The following DYNC2I1 variants were observed in gnomAD, a reference collection of about 807,000 sequenced individuals.
The protein encoded by DYNC2I1 is cytoplasmic dynein 2 intermediate chain 1.
In DYNC2I1, 89 loss-of-function variants were observed where a neutral mutation model predicts 133.4. The observed-to-expected ratio is 0.67, with a 90% confidence interval of 0.56 to 0.80. The LOEUF (loss-of-function observed/expected upper bound fraction) is 0.80, where lower values mean the gene tolerates loss of function less well. Among genes scored for constraint, DYNC2I1 ranks in the 30% least tolerant of loss-of-function variants. The probability of loss-of-function intolerance (pLI) is 0.00; values close to 1 mark genes in which losing one functional copy is unlikely to be tolerated. For missense variants in DYNC2I1, 1,291 were observed against 1,314.5 expected, an observed-to-expected ratio of 0.98 and a Z score of 0.28; for synonymous variants, 504 against 484.3, an observed-to-expected ratio of 1.04 and a Z score of -0.54.
intron 19 of DYNC2I1, among the ~76,000 whole-genome samples, 177 bp downstream of exon 19, chr7:158,926,640 G>A (rs1256158659): frequency 6.6e-6 from 1 of 152,230 alleles, no homozygotes; most frequent in Non-Finnish European, 1.5e-5. Flanking sequence ...TGGCAGGTTT[G>A]GGGCCCTTTC....
rs540943176 is a variant in DYNC2I1 at position 158,864,448 on chromosome 7, A to G, written c.16-5407A>G. On this transcript the variant is annotated intron_variant, in intron 1 of 24. Coordinates refer to ENST00000407559, the MANE Select transcript of DYNC2I1 (RefSeq NM_018051.5). ...ATGGATTTATGGCAGTGTCCCTGGA[A>G]GGAAGAGTGGATTTAGAAACATGTT... 3.7e-4 allele frequency among the ~76,000 whole-genome samples: 56 copies of G among 152,230 alleles called. 1 individual carries two copies. Among genetic ancestry groups the G allele is most frequent in the Non-Finnish European group, 7.6e-4 (52 of 68,010 alleles).
intron 23 of DYNC2I1, 137 bp from the exon 24 acceptor site, chr7:158,941,788 G>A: frequency 1.1e-6 from 1 of 914,610 alleles, no homozygotes; most frequent in East Asian, 2.6e-5. Context: ...CGAGGCAGGA[G>A]GATTGATTGA....
downstream of DYNC2I1, among the ~76,000 whole-genome samples, chr7:158,957,474 G>A (rs796821552): frequency 2.6e-5 from 4 of 152,362 alleles, no homozygotes; most frequent in African/African-American, 9.6e-5. Flanking sequence ...CTACCAGGTA[G>A]CTCCTGAACA....
chr7:158,854,413 A>C (rs899364334), upstream of DYNC2I1, among the ~76,000 whole-genome samples: 3 of 148,834 alleles, frequency 2.0e-5, no homozygotes, highest in East Asian at 6.1e-4. Flanking sequence ...AGAAAACCAA[A>C]CACCGCATGT....
In DYNC2I1 at chr7:158,884,599, AAG is replaced by A; in HGVS notation, c.919_920del (p.Asp307TrpfsTer8). On this transcript the variant is annotated frameshift_variant, in exon 6 of 25. Transcript: ENST00000407559. LOFTEE classifies it high-confidence loss of function. The stretch of plus-strand genomic sequence containing the variant: ...ACAGAAATCGAGGTGCAAGCTCAAA[AAG>A]AGATGGGACCAGCAGCCAGTAAGGA... ...EHRNRGASSK[R>X]DGTSSQHAEN... The A allele has an allele frequency of 6.2e-7, 1 of 1,613,354 alleles. No homozygotes were observed. Among genetic ancestry groups the A allele is most frequent in the Non-Finnish European group, 8.5e-7 (1 of 1,179,624 alleles).
chr7:158,898,872 T>G (rs1442958971), intron 8 of DYNC2I1, among the ~76,000 whole-genome samples: 1 of 136,392 alleles, frequency 7.3e-6, no homozygotes, highest in East Asian at 1.9e-4. Flanking sequence ...TAAAGGTTGT[T>G]TTTTTTTTTT....
intron 6 of DYNC2I1, among the ~76,000 whole-genome samples, chr7:158,885,345 C>G (rs1563111490): frequency 7.0e-6 from 1 of 141,906 alleles, no homozygotes; most frequent in Non-Finnish European, 1.5e-5. Context: ...TGTATAAACT[C>G]TTTTTTTTTT....
chr7:158,939,177 C>T (rs1851079786), intron 23 of DYNC2I1, among the ~76,000 whole-genome samples: 1 of 151,970 alleles, frequency 6.6e-6, no homozygotes, highest in Non-Finnish European at 1.5e-5. Flanking sequence ...TGCCTATAAT[C>T]CCAGCACTTT....
intron 17 of DYNC2I1, among the ~76,000 whole-genome samples, chr7:158,924,420 C>G (rs2129486776): frequency 6.6e-6 from 1 of 152,330 alleles, no homozygotes; most frequent in South Asian, 2.1e-4. Context: ...TCACTCACCC[C>G]TCTGTGTGGC....
Position 158,902,464 on chromosome 7 carries a change from C to G in DYNC2I1, c.1226C>G (p.Pro409Arg). Reference protein sequence around the residue: ...PESREKLEELPLAQKKEIQEI... With the variant: ...PESREKLEELRLAQKKEIQEI... Reference sequence around the variant, plus strand: ...TCAAGAGAAAAACTGGAAGAACTTCCTCTAGCTCAAAAAAAGGAAATACAA... The same window carrying G: ...TCAAGAGAAAAACTGGAAGAACTTCGTCTAGCTCAAAAAAAGGAAATACAA... Residue 409 changes from proline (P) to arginine (R), a missense_variant, in exon 10 of 25, where the codon CCT becomes CGT. Transcript: ENST00000407559. The G allele has an allele frequency of 2.5e-6, 4 of 1,613,842 alleles. No homozygotes were observed. The highest frequency in any genetic ancestry group is 3.4e-6 in the Non-Finnish European group (4 of 1,179,860).
At chr7:158,882,433 T>G (rs982675575) in intron 5 of DYNC2I1, among the ~76,000 whole-genome samples, 6 of 151,122 alleles carry the variant, frequency 4.0e-5, no homozygotes, top group Non-Finnish European at 8.9e-5. Context: ...AAAAAAAAAA[T>G]TTAGCCAGGC....
chr7:158,915,301 T>G (rs1415109572), intron 14 of DYNC2I1, among the ~76,000 whole-genome samples: 2 of 151,844 alleles, frequency 1.3e-5, no homozygotes, highest in African/African-American at 4.8e-5. Flanking sequence ...AGGATGATTG[T>G]GAAACCTGGA....
In DYNC2I1 at chr7:158,929,525, T is replaced by C. The variant is rs550150826; in HGVS notation, c.2486-930T>C. Among the ~76,000 whole-genome samples, 7 of 152,206 alleles carry C rather than the reference T, an allele frequency of 4.6e-5. No homozygotes were observed. The South Asian group carries it at 1.5e-3, about 32-fold the overall frequency. ...GGCCAGAAAAGCTGCCCACAGGCGG[T>C]GGCGTGGGAGCCGAGACGCCAGGTG... On this transcript the variant is annotated intron_variant, in intron 20 of 24. Transcript: ENST00000407559.
intron 17 of DYNC2I1, 67 bp from the exon 18 acceptor site, chr7:158,926,120 T>C (rs758815306): frequency 1.9e-4 from 233 of 1,242,854 alleles, no homozygotes; most frequent in Non-Finnish European, 2.6e-4. Context: ...TTTGTCCCTG[T>C]GTGATGCGAA....
At chr7:158,942,932 G>A (rs1173198308) in intron 24 of DYNC2I1, among the ~76,000 whole-genome samples, 1 of 152,224 alleles carries the variant, frequency 6.6e-6, no homozygotes, top group African/African-American at 2.4e-5. Context: ...CACAGCAGAA[G>A]TGTTCACGAA....
intron 3 of DYNC2I1, among the ~76,000 whole-genome samples, chr7:158,874,411 T>TTAA (rs1843165850): frequency 6.6e-6 from 1 of 152,218 alleles, no homozygotes; most frequent in Non-Finnish European, 1.5e-5. Flanking sequence ...GTCCTACTAT[T>TTAA]TAATGCTCTT....
the DYNC2I1 span, among the ~76,000 whole-genome samples, chr7:158,844,286 C>G: frequency 1.1e-4 from 16 of 152,212 alleles, no homozygotes; most frequent in East Asian, 7.7e-4. Context: ...CTCTTGTGTT[C>G]GTTAACCAAA....
chr7:158,891,187 G>C, intron 7 of DYNC2I1, 78 bp from the exon 8 acceptor site: 1 of 1,517,992 alleles, frequency 6.6e-7, no homozygotes, highest in Non-Finnish European at 9.1e-7. Context: ...GCAGTGGTGG[G>C]GTGGGGGGGA....
At chr7:158,848,897 T>C in the DYNC2I1 span, among the ~76,000 whole-genome samples, 1 of 149,084 alleles carries the variant, frequency 6.7e-6, no homozygotes. Flanking sequence ...CACTCCAGCC[T>C]GGGCAACAGA....
Sources: gnomAD v4.1 joint callset for allele counts (sites outside exome capture counted in the v4.1 genomes callset) on GRCh38, gnomAD v4.1.1 for gene constraint, MANE v1.5 for transcripts, NCBI Gene and HGNC (gene_info 2026-07-23, HGNC 2026-07-21) for gene names.